NLGN1: variants seen among roughly 807,000 people sequenced by gnomAD.
The protein encoded by NLGN1 is neuroligin-1.
NLGN1 carries 12 observed loss-of-function variants against 65.5 expected under a neutral mutation model. That is an observed-to-expected ratio of 0.18 (90% CI 0.12 to 0.30). The LOEUF (loss-of-function observed/expected upper bound fraction) is 0.30. NLGN1 is among the 10% of genes least tolerant of loss of function. The pLI, the probability that NLGN1 is intolerant of heterozygous loss-of-function variation, is 1.00. For synonymous variants in NLGN1, 350 were observed against 359.5 expected, an observed-to-expected ratio of 0.97 and a Z score of 0.30; for missense variants, 750 against 1,007.1, an observed-to-expected ratio of 0.74 and a Z score of 3.46.
intron 4 of NLGN1, among the ~76,000 whole-genome samples, chr3:173,883,631 G>T (rs567022065): frequency 6.6e-6 from 1 of 151,976 alleles, no homozygotes. Flanking sequence ...AATAAAGTAT[G>T]CCTGTATATT....
chr3:173,699,559 T>A (rs1433806689), intron 3 of NLGN1, among the ~76,000 whole-genome samples: 1 of 152,200 alleles, frequency 6.6e-6, no homozygotes, highest in Admixed American at 6.5e-5. Context: ...AATACAAATG[T>A]AAGCTTCCTG....
chr3:173,667,381 A>T (rs183890556), intron 3 of NLGN1, among the ~76,000 whole-genome samples: 215 of 152,172 alleles, frequency 1.4e-3, no homozygotes, highest in African/African-American at 5.1e-3. Context: ...TAAAAAAACT[A>T]ATTTTGGACT....
intron 4 of NLGN1, among the ~76,000 whole-genome samples, chr3:174,250,600 A>ACAG (rs1266248045): frequency 6.6e-6 from 1 of 152,180 alleles, no homozygotes; most frequent in Non-Finnish European, 1.5e-5. Flanking sequence ...GGAAGAAACA[A>ACAG]AAGCCTGCAC....
chr3:173,641,718 T>A (rs2149589552), intron 3 of NLGN1, among the ~76,000 whole-genome samples: 1 of 152,366 alleles, frequency 6.6e-6, no homozygotes, highest in African/African-American at 2.4e-5. Flanking sequence ...AAACAAGATG[T>A]TAATACTAGG....
intron 4 of NLGN1, among the ~76,000 whole-genome samples, chr3:174,223,267 CT>C (rs1577433488): frequency 1.3e-5 from 2 of 152,206 alleles, no homozygotes; most frequent in Non-Finnish European, 2.9e-5. Flanking sequence ...GCCAATTCTG[CT>C]TTTTATGTTT....
chr3:173,578,746 T>C (rs1002284400), intron 2 of NLGN1, among the ~76,000 whole-genome samples: 3 of 152,180 alleles, frequency 2.0e-5, no homozygotes, highest in African/African-American at 7.2e-5. Flanking sequence ...TCAATCATGG[T>C]ACTATGGAAT....
At chr3:173,974,294 A>G (rs1298883731) in intron 4 of NLGN1, among the ~76,000 whole-genome samples, 4 of 151,846 alleles carry the variant, frequency 2.6e-5, no homozygotes, top group Non-Finnish European at 5.9e-5. Context: ...AAATTCTCAT[A>G]TGTTTTTTCA....
intron 2 of NLGN1, among the ~76,000 whole-genome samples, chr3:173,561,016 GT>G (rs1295912914): frequency 6.6e-6 from 1 of 152,206 alleles, no homozygotes; most frequent in Non-Finnish European, 1.5e-5. Context: ...ATACAGCGGG[GT>G]TTGTATTGTT....
At chr3:174,181,481 C>G (rs1289154181) in intron 4 of NLGN1, among the ~76,000 whole-genome samples, 3 of 152,142 alleles carry the variant, frequency 2.0e-5, no homozygotes, top group Admixed American at 2.0e-4. Context: ...TCTCTCAATC[C>G]ACAGGTTTTT....
At chr3:173,977,113 ACACACACACG>A (rs1182147235) in intron 4 of NLGN1, among the ~76,000 whole-genome samples, 2 of 148,634 alleles carry the variant, frequency 1.3e-5, no homozygotes, top group Non-Finnish European at 3.0e-5. Context: ...ACACGCACAC[ACACACACACG>A]CACACACACA....
chr3:173,787,633 C>T (rs1045197231), intron 3 of NLGN1, among the ~76,000 whole-genome samples: 1 of 152,098 alleles, frequency 6.6e-6, no homozygotes, highest in Non-Finnish European at 1.5e-5. Context: ...AGCATGAGGC[C>T]TCTTATCCCA....
chr3:173,679,379 C>T (rs1763619117), intron 3 of NLGN1, among the ~76,000 whole-genome samples: 1 of 152,002 alleles, frequency 6.6e-6, no homozygotes, highest in Non-Finnish European at 1.5e-5. Context: ...AAAGATTTTA[C>T]AGGCAGCACT....
chr3:173,539,005 A>G (rs1281922245), intron 2 of NLGN1, among the ~76,000 whole-genome samples: 1 of 151,900 alleles, frequency 6.6e-6, no homozygotes, highest in East Asian at 1.9e-4. Context: ...ACAGCCCCTG[A>G]GTTAGTATAT....
At chr3:173,400,381 C>T (rs1312514010) in intron 1 of NLGN1, among the ~76,000 whole-genome samples, 1 of 152,096 alleles carries the variant, frequency 6.6e-6, no homozygotes, top group Non-Finnish European at 1.5e-5. Flanking sequence ...CATTCTTAAA[C>T]CTCCTTATGT....
chr3:173,529,703 G>A (rs1456458882), intron 2 of NLGN1, among the ~76,000 whole-genome samples: 2 of 152,122 alleles, frequency 1.3e-5, no homozygotes, highest in African/African-American at 4.8e-5. Flanking sequence ...AACGGTTTTG[G>A]GGTGGAACCT....
intron 2 of NLGN1, among the ~76,000 whole-genome samples, chr3:173,518,911 C>CA (rs1341995494): frequency 6.6e-6 from 1 of 152,122 alleles, no homozygotes; most frequent in East Asian, 1.9e-4. Flanking sequence ...GTGACCTTCA[C>CA]AGCAGCCCCT....
intron 4 of NLGN1, among the ~76,000 whole-genome samples, chr3:174,193,008 A>G (rs905638246): frequency 1.1e-4 from 16 of 152,026 alleles, no homozygotes. Context: ...TGAATGTACC[A>G]CTATTAAAGC....
At position 174,026,927 on chromosome 3, in the gene NLGN1, A is replaced by G. The variant is rs1030685376; in HGVS notation, c.646+219095A>G. 3.9e-5 allele frequency among the ~76,000 whole-genome samples: 6 copies of G among 151,944 alleles called. No homozygotes were observed. In the South Asian group the frequency reaches 1.2e-3, roughly 32 times the overall value. ...TACATAATATATTCATGTGATAAGGATATTGTAATTCAATTCAAATACATT... is the reference window on the plus strand; with the variant it reads ...TACATAATATATTCATGTGATAAGGGTATTGTAATTCAATTCAAATACATT... On this transcript the variant is annotated intron_variant, in intron 4 of 6. Transcript: ENST00000457714.
At chr3:173,599,239 T>G (rs1750034935) in intron 2 of NLGN1, among the ~76,000 whole-genome samples, 1 of 152,172 alleles carries the variant, frequency 6.6e-6, no homozygotes, top group Non-Finnish European at 1.5e-5. Flanking sequence ...ACTTTAAGTA[T>G]TCATTTGCTG....
Sources: gnomAD v4.1 joint callset for allele counts (sites outside exome capture counted in the v4.1 genomes callset) on GRCh38, gnomAD v4.1.1 for gene constraint, MANE v1.5 for transcripts, NCBI Gene and HGNC (gene_info 2026-07-23, HGNC 2026-07-21) for gene names.